The following SEC24C variants were observed in gnomAD, a reference collection of about 807,000 sequenced individuals.
SEC24C encodes protein transport protein Sec24C.
In SEC24C, 22 loss-of-function variants were observed where a neutral mutation model predicts 117.0. The observed-to-expected ratio is 0.19, with a 90% CI of 0.13 to 0.27. The LOEUF is 0.27. Among genes scored for constraint, SEC24C ranks in the 10% least tolerant of loss-of-function variants. The pLI, the probability that SEC24C is intolerant of heterozygous loss-of-function variation, is 1.00. For synonymous variants in SEC24C, 506 were observed against 529.4 expected (o/e 0.96, Z 0.61); for missense variants, 1,155 against 1,375.1 (o/e 0.84, Z 2.53).
In SEC24C at chr10:73,769,653, C is replaced by T. The variant is rs750494009; in HGVS notation, c.2602C>T (p.Arg868Cys). 3.1e-5 allele frequency: 50 copies of T among 1,613,926 alleles called. No individual in the cohort carries two copies. The highest frequency in any genetic ancestry group is 1.1e-4 in the South Asian group (10 of 91,074). The change falls in exon 19 of 23, where the codon CGT (arginine) becomes TGT (cysteine). Residue 868 changes from arginine to cysteine, a missense_variant. Coordinates refer to ENST00000345254, the MANE Select transcript of SEC24C (RefSeq NM_198597.3). The surrounding 1 kb of genome is among the most constrained non-coding windows in gnomAD (Gnocchi z 4.5). ...GVLNSPVKAV[R>C]DTLITQCAQI... ...CCTGAATAGCCCTGTGAAGGCTGTT[C>T]GTGACACGCTCATCACCCAGTGTGC...
At position 73,768,112 on chromosome 10, in the gene SEC24C, G is replaced by A. The variant is rs150728336; in HGVS notation, c.2181+105G>A. 33 of 1,080,498 alleles carry A rather than the reference G, an allele frequency of 3.1e-5. No homozygotes were observed. In the East Asian group the frequency reaches 6.2e-4, roughly 20 times the overall value. The allele number at this position is 1,080,498 out of a possible 1,614,324, so 66.9% of individuals were successfully genotyped here. ...TAGAAATAGTGTTGGGGCCAGGCAC[G>A]GTGCCTCACACCTGTAATCCTAGCA... On this transcript the variant is annotated intron_variant, in intron 15 of 22. Transcript: ENST00000345254.
rs781407709 is a variant in SEC24C, at chr10:73,760,006, T to TCTACTTCTCAGG, written c.482-10_483dup. On this transcript the variant is annotated splice_polypyrimidine_tract_variant and intron_variant, in intron 4 of 22. Coordinates refer to ENST00000345254, the MANE Select transcript of SEC24C (RefSeq NM_198597.3). ...ACTGGGCTTTTGACTCTACCTTTAT[T>TCTACTTCTCAGG]CTACTTCTCAGGCCCACCAACATCG... 5 of 1,555,712 alleles carry TCTACTTCTCAGG rather than the reference T, an allele frequency of 3.2e-6. No homozygotes were observed. In the African/African-American group the frequency reaches 6.9e-5, roughly 21 times the overall value.
At chr10:73,770,150 T>A (rs1479791483) in intron 20 of SEC24C, 130 bp from the exon 21 acceptor site, 48 of 1,248,744 alleles carry the variant, frequency 3.8e-5, no homozygotes, top group Non-Finnish European at 5.4e-5. Flanking sequence ...ATTTTCACAC[T>A]GAGAGAGTTA....
intron 14 of SEC24C, 39 bp downstream of exon 14, chr10:73,767,209 A>G (rs1203569925): frequency 3.7e-6 from 5 of 1,357,254 alleles, no homozygotes; most frequent in Non-Finnish European, 5.3e-6. Context: ...AGGATTTTTC[A>G]TTACAGAGGA....
chr10:73,768,762 T>G, intron 15 of SEC24C, 48 bp from the exon 16 acceptor site: 1,149 of 1,560,140 alleles, frequency 7.4e-4, no homozygotes, highest in Non-Finnish European at 9.2e-4. Context: ...GTCTGCACGA[T>G]GAGCTATGTC....
Position 73,751,251 on chromosome 10 carries a change from C to T in SEC24C, c.308+8C>T, listed in dbSNP as rs1317342733. The stretch of plus-strand genomic sequence containing the variant: ...CACTGTTCAGATGCAAAGGTAGGTA[C>T]TTGGTCAATCTAAAATTGGTCTGAT... On this transcript the variant is annotated splice_region_variant and intron_variant, in intron 3 of 22. Coordinates refer to ENST00000345254, the MANE Select transcript of SEC24C (RefSeq NM_198597.3). 1 of 1,610,376 alleles carries T rather than the reference C, an allele frequency of 6.2e-7. No homozygotes were observed. The highest frequency in any genetic ancestry group is 1.1e-5 in the South Asian group (1 of 90,864).
chr10:73,747,019 C>G lies in SEC24C; in HGVS notation c.172+15C>G. On this transcript the variant is annotated intron_variant, in intron 2 of 22. Coordinates refer to ENST00000345254, the MANE Select transcript of SEC24C (RefSeq NM_198597.3). The stretch of plus-strand genomic sequence containing the variant: ...ACCTCCCCAAGGTATGTTTCTGTTT[C>G]TGTTTCCTTTGAGCTAGGGAGGGAA... 1 of 1,607,814 alleles carries G rather than the reference C, an allele frequency of 6.2e-7. No homozygotes were observed. The highest frequency in any genetic ancestry group is 8.5e-7 in the Non-Finnish European group (1 of 1,176,356).
chr10:73,770,578 T>C (rs778571472), intron 21 of SEC24C, 107 bp downstream of exon 21: 4 of 1,514,948 alleles, frequency 2.6e-6, no homozygotes, highest in Non-Finnish European at 3.7e-6. Context: ...CAGGGAACAC[T>C]TGGGGACAAG....
At position 73,759,756 on chromosome 10, in the gene SEC24C, C is replaced by A; in HGVS notation, c.443C>A (p.Ala148Asp). The A allele has an allele frequency of 6.2e-7, 1 of 1,603,934 alleles. No homozygotes were observed. The highest frequency in any genetic ancestry group is 1.1e-5 in the South Asian group (1 of 89,746). Residue 148 changes from alanine to aspartate, a missense_variant, in exon 4 of 23, where the codon GCT becomes GAT. By Grantham distance (126) the Ala-to-Asp change is moderately radical. Around this residue, in one of 2 missense-constraint regions of SEC24C, gnomAD observed 396 missense variants for 382.8 expected, o/e 1.03. Transcript: ENST00000345254. ...TQLSGMQISG[A>D]VAPAPPSSGL... is the part of the protein sequence containing the mutation. ...CTGTCTGGAATGCAGATCAGCGGTG[C>A]TGTGGCCCCAGCCCCTCCTTCTTCA...
rs780721252 is a variant in SEC24C, at chr10:73,768,829, G to A, written c.2201G>A (p.Arg734Gln). Residue 734 changes from arginine to glutamine, a missense_variant, in exon 16 of 23, where the codon CGG (arginine) becomes CAG (glutamine). Transcript: ENST00000345254. Reference protein sequence around the residue: ...ASFQVENDQERFLSDLRRDVQ... With the variant: ...ASFQVENDQEQFLSDLRRDVQ... ...CTGCAGGTGGAGAACGACCAGGAGC[G>A]GTTCCTGAGTGACCTGCGTCGTGAT... The A allele has an allele frequency of 2.0e-5, 33 of 1,613,558 alleles. No homozygotes were observed. Among genetic ancestry groups the A allele is most frequent in the South Asian group, 5.5e-5 (5 of 91,036 alleles).
Position 73,769,942 on chromosome 10 carries a change from A to G in SEC24C, c.2789A>G (p.Tyr930Cys), listed in dbSNP as rs553026455. Residue 930 changes from tyrosine to cysteine, a missense_variant, in exon 20 of 23, where the codon TAT becomes TGT. Around this residue, in one of 2 missense-constraint regions of SEC24C, gnomAD observed 759 missense variants for 992.3 expected, o/e 0.76. Transcript: ENST00000345254. The surrounding 1 kb of genome is among the most constrained non-coding windows in gnomAD (Gnocchi z 4.5). ...GAEVTTDDRA[Y>C]VRQLVTSMDV... ...GAAGTCACTACTGATGACCGTGCCT[A>G]TGTCCGACAGCTAGTTACCTCCATG... is the stretch of plus-strand genomic sequence containing the variant. 2.5e-5 allele frequency: 40 copies of G among 1,614,132 alleles called. No individual in the cohort carries two copies. In the South Asian group the frequency reaches 3.8e-4, roughly 16 times the overall value.
intron 3 of SEC24C, among the ~76,000 whole-genome samples, chr10:73,755,692 A>T (rs1329835586): frequency 6.6e-6 from 1 of 151,968 alleles, no homozygotes. Flanking sequence ...AAAAAAAAAA[A>T]GTTTCAACCG....
rs2082805194 is a variant in SEC24C at position 73,762,038 on chromosome 10, T to A, written c.987+1189T>A. The A allele has an allele frequency of 4.3e-6, 5 of 1,164,338 alleles. No homozygotes were observed. The South Asian group carries it at 6.4e-5, about 15-fold the overall frequency. The allele number at this position is 1,164,338 out of a possible 1,614,324, so 72.1% of individuals were successfully genotyped here. A position where few individuals can be genotyped will look rare whatever the true frequency, so the allele number is the denominator to read the frequency against. ...GGTTGAGAGAAGTAACATCTGCCTC[T>A]TGTTCTTTTGTCTCCCTCCTTGTAT... On this transcript the variant is annotated intron_variant, in intron 6 of 22. Transcript: ENST00000345254.
At position 73,770,459 on chromosome 10, in the gene SEC24C, C is replaced by A; in HGVS notation, c.3042C>A (p.Ile1014=). Reference sequence around the variant, plus strand: ...TCAGCGTCTCCTCCTTCAGTCAGATCACCAGTGGTTTGGTGAGGGCAGGGA... The same window carrying A: ...TCAGCGTCTCCTCCTTCAGTCAGATAACCAGTGGTTTGGTGAGGGCAGGGA... ...SLFSVSSFSQ[I]TSGLSVLPVL... Residue 1014 remains isoleucine (I), a synonymous_variant, in exon 21 of 23, where the codon ATC becomes ATA. Coordinates refer to ENST00000345254, the MANE Select transcript of SEC24C (RefSeq NM_198597.3). The A allele has an allele frequency of 2.5e-6, 4 of 1,613,986 alleles. No individual in the cohort carries two copies. Among genetic ancestry groups the A allele is most frequent in the Non-Finnish European group, 2.5e-6 (3 of 1,179,998 alleles).
chr10:73,745,730 A>G (rs1389187637), intron 1 of SEC24C, among the ~76,000 whole-genome samples: 3 of 149,802 alleles, frequency 2.0e-5, no homozygotes, highest in Non-Finnish European at 4.4e-5. Flanking sequence ...TTGTATTTTT[A>G]GTAGAGACTG....
At chr10:73,747,659 T>C (rs1273364063) in intron 2 of SEC24C, among the ~76,000 whole-genome samples, 1 of 149,548 alleles carries the variant, frequency 6.7e-6, no homozygotes, top group African/African-American at 2.5e-5. Flanking sequence ...GCCTGTATTT[T>C]TTTTTTTTTT....
Position 73,765,308 on chromosome 10 carries a change from C to G in SEC24C, c.1228-143C>G, listed in dbSNP as rs1043433046. The G allele has an allele frequency of 7.3e-6, 6 of 823,326 alleles. No individual in the cohort carries two copies. In the Admixed American group the frequency reaches 1.2e-4, roughly 16 times the overall value. The allele number at this position is 823,326 out of a possible 1,614,324, so 51.0% of individuals were successfully genotyped here. On this transcript the variant is annotated intron_variant, in intron 8 of 22. Coordinates refer to ENST00000345254, the MANE Select transcript of SEC24C (RefSeq NM_198597.3). ...TTTTCCTGTGATTTGTCTTTACTCC[C>G]TTTCATCATTGTGCTCCCTACTCCC...
At position 73,760,833 on chromosome 10, in the gene SEC24C, A is replaced by G. The variant is rs775569119; in HGVS notation, c.971A>G (p.Asp324Gly). 85 of 1,612,964 alleles carry G rather than the reference A, an allele frequency of 5.3e-5. No individual in the cohort carries two copies. The highest frequency in any genetic ancestry group is 7.1e-5 in the Non-Finnish European group (84 of 1,179,634). The change falls in exon 6 of 23, where the codon GAT (aspartate) becomes GGT (glycine). Residue 324 changes from aspartate (D) to glycine (G), a missense_variant. Asp to Gly is a moderately conservative substitution (Grantham distance 94). Transcript: ENST00000345254. Reference sequence around the variant, plus strand: ...CTGCCTCCTAAGCGCCTGGACCCTGATGCCATCCCAAGCCCTGTAAGTAGA... The same window carrying G: ...CTGCCTCCTAAGCGCCTGGACCCTGGTGCCATCCCAAGCCCTGTAAGTAGA... ...QPLPPKRLDP[D>G]AIPSPIQVIE...
At position 73,770,815 on chromosome 10, in the gene SEC24C, C is replaced by T. The variant is rs374874480; in HGVS notation, c.3144+17C>T. 1.9e-6 allele frequency: 3 copies of T among 1,613,390 alleles called. No individual in the cohort carries two copies. Among genetic ancestry groups the T allele is most frequent in the Non-Finnish European group, 8.5e-7 (1 of 1,179,450 alleles). Reference sequence around the variant, plus strand: ...TACATGAAGGTAACACTGATCTGAACCCTGGATTTCTTACCTTGTCAAGTC... The same window carrying T: ...TACATGAAGGTAACACTGATCTGAATCCTGGATTTCTTACCTTGTCAAGTC... On this transcript the variant is annotated intron_variant, in intron 22 of 22. Transcript: ENST00000345254.
Sources: allele counts gnomAD v4.1 joint callset (sites outside exome capture counted in the v4.1 genomes callset), GRCh38; gene constraint gnomAD v4.1.1; regional missense constraint gnomAD v4.1.1; non-coding constraint Gnocchi (gnomAD v3.1); transcripts MANE v1.5; gene names NCBI Gene and HGNC (gene_info 2026-07-23, HGNC 2026-07-21).